The following GRM8 variants were observed in gnomAD, a reference collection of about 807,000 sequenced individuals.
GRM8 encodes metabotropic glutamate receptor 8.
Under a neutral mutation model 87.2 loss-of-function variants are expected in GRM8, and 47 were observed. The observed-to-expected ratio is 0.54, with a 90% CI of 0.43 to 0.69. The LOEUF (loss-of-function observed/expected upper bound fraction) is 0.69. Ranked by LOEUF, GRM8 falls within the 30% of genes least tolerant of loss-of-function variation. GRM8 has a pLI of 0.00. For synonymous variants in GRM8, 396 were observed against 404.5 expected (o/e 0.98, Z 0.25); for missense variants, 1,019 against 1,139.2 (o/e 0.89, Z 1.52).
chr7:127,224,456 T>C (rs1797181842), intron 2 of GRM8, among the ~76,000 whole-genome samples: 1 of 152,148 alleles, frequency 6.6e-6, no homozygotes, highest in Non-Finnish European at 1.5e-5. Flanking sequence ...CCAGAGAAAA[T>C]ATTCTTCAGG....
intron 9 of GRM8, among the ~76,000 whole-genome samples, chr7:126,522,236 C>T (rs1813088745): frequency 6.6e-6 from 1 of 152,156 alleles, no homozygotes; most frequent in Non-Finnish European, 1.5e-5. Flanking sequence ...GAGTCCTCTC[C>T]TTTCCACTTC....
At chr7:127,215,847 G>C (rs1796494155) in intron 2 of GRM8, among the ~76,000 whole-genome samples, 2 of 152,078 alleles carry the variant, frequency 1.3e-5, no homozygotes, top group Admixed American at 1.3e-4. Flanking sequence ...GTCCTACTCT[G>C]TTACCTCCCA....
At chr7:127,176,133 G>T (rs935593243) in intron 2 of GRM8, among the ~76,000 whole-genome samples, 2 of 152,074 alleles carry the variant, frequency 1.3e-5, no homozygotes, top group Non-Finnish European at 2.9e-5. Context: ...ATATAGACAA[G>T]TTAAAAATTT....
At chr7:126,707,763 C>G (rs1367598822) in intron 7 of GRM8, among the ~76,000 whole-genome samples, 2 of 152,064 alleles carry the variant, frequency 1.3e-5, no homozygotes, top group Non-Finnish European at 2.9e-5. Flanking sequence ...GATTGAAGAT[C>G]TAAATGTAAG....
At chr7:127,122,817 CA>C (rs780698055) in intron 2 of GRM8, among the ~76,000 whole-genome samples, 3 of 151,976 alleles carry the variant, frequency 2.0e-5, no homozygotes, top group Non-Finnish European at 4.4e-5. Flanking sequence ...AAAAAAAATT[CA>C]ACACGTCACC....
At chr7:126,730,596 G>T (rs1177125714) in intron 7 of GRM8, among the ~76,000 whole-genome samples, 1 of 152,110 alleles carries the variant, frequency 6.6e-6, no homozygotes, top group Non-Finnish European at 1.5e-5. Context: ...AAGTAGCTAA[G>T]GGGCACTAAC....
chr7:126,867,049 T>C (rs1798664564), intron 6 of GRM8, among the ~76,000 whole-genome samples: 1 of 152,210 alleles, frequency 6.6e-6, no homozygotes, highest in South Asian at 2.1e-4. Context: ...ATATGAGACA[T>C]CAGCCTTCCT....
chr7:126,781,772 G>A (rs1412187194), intron 6 of GRM8, among the ~76,000 whole-genome samples: 1 of 152,134 alleles, frequency 6.6e-6, no homozygotes, highest in Non-Finnish European at 1.5e-5. Context: ...CTGGAGTGCA[G>A]TGGTGTGATC....
At chr7:126,775,775 G>A (rs1293468571) in intron 6 of GRM8, among the ~76,000 whole-genome samples, 6 of 152,034 alleles carry the variant, frequency 3.9e-5, no homozygotes, top group Non-Finnish European at 5.9e-5. Context: ...CTTAGAAGGC[G>A]AGTGGCCTTG....
chr7:126,624,280 C>T (rs1800456603), intron 7 of GRM8, among the ~76,000 whole-genome samples: 2 of 152,156 alleles, frequency 1.3e-5, no homozygotes, highest in African/African-American at 4.8e-5. Context: ...TTCTGTACTC[C>T]TTCCAACCTG....
At chr7:126,907,450 A>T (rs1383926578) in intron 3 of GRM8, among the ~76,000 whole-genome samples, 1 of 152,138 alleles carries the variant, frequency 6.6e-6, no homozygotes, top group Admixed American at 6.5e-5. Flanking sequence ...TAGATTGAGG[A>T]CTGCTCAGGG....
rs553912239 is a variant in GRM8 at position 127,045,497 on chromosome 7, A to G, written c.727+60999T>C. ...ATCATAAAAATATCCTTTTGTATCT[A>G]TATCTACCTATCTATCCTGTAACTG... On this transcript the variant is annotated intron_variant, in intron 3 of 10. Transcript: ENST00000339582. Among the ~76,000 whole-genome samples, 11 of 152,204 alleles carry G rather than the reference A, an allele frequency of 7.2e-5. No individual in the cohort carries two copies. In the South Asian group the frequency reaches 2.3e-3, roughly 32 times the overall value.
Position 127,242,875 on chromosome 7 carries a change from G to A in GRM8, c.330C>T (p.Thr110=). 6.2e-7 allele frequency: 1 copy of A among 1,614,044 alleles called. No individual in the cohort carries two copies. The highest frequency in any genetic ancestry group is 8.5e-7 in the Non-Finnish European group (1 of 1,179,946). The change falls in exon 2 of 11, where the codon ACC becomes ACT. Residue 110 remains threonine, a synonymous_variant. Transcript: ENST00000339582. ...VRILDTCSRD[T]YALEQSLTFV... is the part of the protein sequence containing the mutation. ...ATGTTAGAGACTGCTCCAAAGCATA[G>A]GTGTCCCTAGAGCACGTGTCGAGGA...
chr7:126,652,787 T>C (rs1267421450), intron 7 of GRM8, among the ~76,000 whole-genome samples: 1 of 152,158 alleles, frequency 6.6e-6, no homozygotes, highest in Non-Finnish European at 1.5e-5. Context: ...CTCCCCTTTA[T>C]ATATGTATAT....
intron 9 of GRM8, among the ~76,000 whole-genome samples, chr7:126,482,883 A>G (rs985054466): frequency 4.0e-5 from 6 of 151,870 alleles, no homozygotes; most frequent in African/African-American, 1.4e-4. Flanking sequence ...TATCTGTGAG[A>G]TTACAAGTGT....
At chr7:126,517,904 T>G (rs1812411460) in intron 9 of GRM8, among the ~76,000 whole-genome samples, 2 of 152,122 alleles carry the variant, frequency 1.3e-5, no homozygotes, top group African/African-American at 4.8e-5. Context: ...AGTCTTAAAC[T>G]ATCATGAATT....
At chr7:126,936,492 C>A (rs1056748284) in intron 3 of GRM8, among the ~76,000 whole-genome samples, 8 of 152,304 alleles carry the variant, frequency 5.3e-5, no homozygotes, top group African/African-American at 1.9e-4. Context: ...ATAGAATTCC[C>A]TGAATTTTAT....
intron 2 of GRM8, among the ~76,000 whole-genome samples, chr7:127,175,402 T>C (rs1794044543): frequency 6.6e-6 from 1 of 152,066 alleles, no homozygotes; most frequent in Non-Finnish European, 1.5e-5. Flanking sequence ...AAGTGTAACA[T>C]ACATAATTTG....
In GRM8 at chr7:126,643,290, C is replaced by CA. The variant is rs1157527693; in HGVS notation, c.1358-33793dup. Reference sequence around the variant, plus strand: ...TGGGTGACAGAGTGAGAACTTGTCTCAAAAAAAAAAAAAAAAAAAAAAAAA... The same window carrying CA: ...TGGGTGACAGAGTGAGAACTTGTCTCAAAAAAAAAAAAAAAAAAAAAAAAAA... On this transcript the variant is annotated intron_variant, in intron 7 of 10. Transcript: ENST00000339582. Among the ~76,000 whole-genome samples, 105 of 20,084 alleles carry CA rather than the reference C, an allele frequency of 5.2e-3. 2 individuals carry two copies. The highest frequency in any genetic ancestry group is 7.3e-3 in the Non-Finnish European group (81 of 11,022). 13.2% of individuals were successfully genotyped at this position (20,084 alleles called of 152,430 possible). A position where few individuals can be genotyped will look rare whatever the true frequency, so the allele number is the denominator to read the frequency against.
Sources: allele counts gnomAD v4.1 joint callset (sites outside exome capture counted in the v4.1 genomes callset), GRCh38; gene constraint gnomAD v4.1.1; transcripts MANE v1.5; gene names NCBI Gene and HGNC (gene_info 2026-07-23, HGNC 2026-07-21).